The following CTNNA3 variants were observed in gnomAD, a reference collection of about 807,000 sequenced individuals.
CTNNA3 encodes catenin alpha-3.
In CTNNA3, 76 loss-of-function variants were observed where a neutral mutation model predicts 95.7. The observed-to-expected ratio is 0.79, with a 90% CI of 0.66 to 0.96. CTNNA3 has a LOEUF of 0.96. Ranked by LOEUF, CTNNA3 falls within the 40% of genes least tolerant of loss-of-function variation. The pLI, the probability that CTNNA3 is intolerant of heterozygous loss-of-function variation, is 0.00. For missense variants in CTNNA3, 1,191 were observed against 1,089.8 expected (o/e 1.09, Z -1.31); for synonymous variants, 431 against 374.4 (o/e 1.15, Z -1.74).
intron 9 of CTNNA3, among the ~76,000 whole-genome samples, chr10:66,703,589 C>T (rs762910227): frequency 2.0e-5 from 3 of 151,992 alleles, no homozygotes; most frequent in African/African-American, 7.2e-5. Flanking sequence ...AAAATATGTC[C>T]GTGGTGATCC....
chr10:66,900,924 G>A (rs976710117), intron 7 of CTNNA3, among the ~76,000 whole-genome samples: 6 of 152,148 alleles, frequency 3.9e-5, no homozygotes, highest in Admixed American at 6.6e-5. Flanking sequence ...AAAGTGACAC[G>A]GAGAATGGAA....
chr10:67,013,454 GAC>G (rs1453568211), intron 7 of CTNNA3, among the ~76,000 whole-genome samples: 1 of 152,062 alleles, frequency 6.6e-6, no homozygotes, highest in Non-Finnish European at 1.5e-5. Flanking sequence ...AATTTAAAGA[GAC>G]AGAATTCTCA....
intron 13 of CTNNA3, among the ~76,000 whole-genome samples, chr10:66,244,553 AAAC>A (rs1337755746): frequency 6.7e-6 from 1 of 149,626 alleles, no homozygotes; most frequent in African/African-American, 2.5e-5. Flanking sequence ...GCTCAGAGAG[AAAC>A]AACATTTGAG....
rs187419127 is a variant in CTNNA3 at position 66,761,639 on chromosome 10, A to G, written c.1281+4625T>C. On this transcript the variant is annotated intron_variant, in intron 9 of 17. Coordinates refer to ENST00000433211, the MANE Select transcript of CTNNA3 (RefSeq NM_013266.4). ...AATATTAAGTGATAGCCATTTAATC[A>G]TAATAGCCTTTTTAATAATAAATAA... Among the ~76,000 whole-genome samples the G allele has an allele frequency of 5.3e-5, 8 of 152,288 alleles. No homozygotes were observed. In the East Asian group the frequency reaches 1.5e-3, roughly 29 times the overall value.
rs1032741097 is a variant in CTNNA3 at position 66,391,756 on chromosome 10, G to A, written c.1532-12404C>T. ...TTCTTTATCTAAATTTTTTAAACAAGGCTTATCATTTTAGCGCCTCTCAAA... is the reference window on the plus strand; with the variant it reads ...TTCTTTATCTAAATTTTTTAAACAAAGCTTATCATTTTAGCGCCTCTCAAA... On this transcript the variant is annotated intron_variant, in intron 11 of 17. Coordinates refer to ENST00000433211, the MANE Select transcript of CTNNA3 (RefSeq NM_013266.4). Among the ~76,000 whole-genome samples, 8 of 151,978 alleles carry A rather than the reference G, an allele frequency of 5.3e-5. No homozygotes were observed. The South Asian group carries it at 1.5e-3, about 28-fold the overall frequency.
intron 10 of CTNNA3, among the ~76,000 whole-genome samples, chr10:66,523,563 C>A (rs1841144643): frequency 6.6e-6 from 1 of 151,986 alleles, no homozygotes; most frequent in Admixed American, 6.6e-5. Flanking sequence ...CTTAAATCTT[C>A]TTCACGTAAA....
chr10:67,131,497 C>T (rs1279911762), intron 7 of CTNNA3, among the ~76,000 whole-genome samples: 1 of 151,984 alleles, frequency 6.6e-6, no homozygotes, highest in Non-Finnish European at 1.5e-5. Flanking sequence ...TACTATGTGG[C>T]AGTCATTATG....
intron 9 of CTNNA3, among the ~76,000 whole-genome samples, chr10:66,715,598 A>T (rs1280513440): frequency 6.6e-6 from 1 of 152,206 alleles, no homozygotes; most frequent in African/African-American, 2.4e-5. Context: ...TATGTAAGGC[A>T]ATAGTTTTTA....
chr10:67,512,038 G>T (rs1477175649), intron 5 of CTNNA3, among the ~76,000 whole-genome samples: 1 of 152,086 alleles, frequency 6.6e-6, no homozygotes, highest in Non-Finnish European at 1.5e-5. Flanking sequence ...GATCAGTGGT[G>T]ATATCCCCTT....
chr10:67,069,385 G>A (rs1856293625), intron 7 of CTNNA3, among the ~76,000 whole-genome samples: 2 of 152,056 alleles, frequency 1.3e-5, no homozygotes, highest in East Asian at 1.9e-4. Flanking sequence ...TCCAAGAATA[G>A]GAAGCTTATT....
intron 5 of CTNNA3, among the ~76,000 whole-genome samples, chr10:67,297,162 C>G (rs1840073753): frequency 6.6e-6 from 1 of 152,094 alleles, no homozygotes; most frequent in African/African-American, 2.4e-5. Context: ...CAGAATGAGT[C>G]ATTTGACCAC....
At chr10:67,432,890 G>A (rs1028418193) in intron 5 of CTNNA3, among the ~76,000 whole-genome samples, 8 of 152,042 alleles carry the variant, frequency 5.3e-5, no homozygotes, top group African/African-American at 1.9e-4. Context: ...TCAGGGTGAT[G>A]CTGACTTTAT....
At chr10:66,750,087 G>A (rs1393789631) in intron 9 of CTNNA3, among the ~76,000 whole-genome samples, 2 of 152,076 alleles carry the variant, frequency 1.3e-5, no homozygotes, top group Non-Finnish European at 2.9e-5. Context: ...AGTTTTAAGA[G>A]TACTTTGTAC....
intron 7 of CTNNA3, among the ~76,000 whole-genome samples, chr10:67,125,922 T>C (rs1859702719): frequency 6.6e-6 from 1 of 152,222 alleles, no homozygotes. Context: ...TACTGAGACA[T>C]AGTATATTGA....
intron 11 of CTNNA3, among the ~76,000 whole-genome samples, chr10:66,416,461 CCAAA>C (rs1211951773): frequency 1.2e-4 from 18 of 151,894 alleles, no homozygotes; most frequent in Admixed American, 6.6e-4. Flanking sequence ...CCAGCAGTCA[CCAAA>C]CAGACACAAT....
chr10:66,708,219 T>C (rs1358230606), intron 9 of CTNNA3, among the ~76,000 whole-genome samples: 2 of 149,922 alleles, frequency 1.3e-5, no homozygotes, highest in African/African-American at 4.9e-5. Flanking sequence ...GGCTTGCCAA[T>C]GCTGCCAAAA....
chr10:66,939,396 A>G (rs1925572), intron 7 of CTNNA3, among the ~76,000 whole-genome samples: 144,184 of 152,180 alleles, frequency 0.95, 68,812 homozygotes, highest in East Asian at 1. Context: ...TATGCCTTCA[A>G]ACTGAGTTAA....
At chr10:65,946,612 T>C (rs963513831) in intron 17 of CTNNA3, among the ~76,000 whole-genome samples, 1 of 152,188 alleles carries the variant, frequency 6.6e-6, no homozygotes, top group Non-Finnish European at 1.5e-5. Context: ...AGACATTTTC[T>C]CTCTCCATCT....
intron 13 of CTNNA3, among the ~76,000 whole-genome samples, chr10:66,157,188 TC>T (rs2084555874): frequency 6.6e-6 from 1 of 151,768 alleles, no homozygotes; most frequent in Non-Finnish European, 1.5e-5. Flanking sequence ...TTATCCCTCG[TC>T]CCCCTCCCAC....
Sources: allele counts gnomAD v4.1 joint callset (sites outside exome capture counted in the v4.1 genomes callset), GRCh38; gene constraint gnomAD v4.1.1; transcripts MANE v1.5; gene names NCBI Gene and HGNC (gene_info 2026-07-23, HGNC 2026-07-21).